The following GPI variants were observed in gnomAD, a reference collection of about 807,000 sequenced individuals.
The protein encoded by GPI is glucose-6-phosphate isomerase.
A neutral mutation model predicts 75.8 loss-of-function variants in GPI; 56 were observed. The observed-to-expected ratio is 0.74, with a 90% CI of 0.60 to 0.92. The LOEUF is 0.92. Among genes scored for constraint, GPI ranks in the 40% least tolerant of loss-of-function variants. The pLI, the probability that GPI is intolerant of heterozygous loss-of-function variation, is 0.00. For synonymous variants in GPI, 288 were observed against 285.4 expected (o/e 1.01, Z -0.09); for missense variants, 638 against 741.0 (o/e 0.86, Z 1.61).
chr19:34,387,160 A>G (rs1308071192), intron 9 of GPI, among the ~76,000 whole-genome samples: 1 of 152,212 alleles, frequency 6.6e-6, no homozygotes, highest in Non-Finnish European at 1.5e-5. Flanking sequence ...CTGGTCTATC[A>G]GCTGAGATGT....
chr19:34,360,418 C>G (rs905504056), upstream of GPI, among the ~76,000 whole-genome samples: 1 of 152,102 alleles, frequency 6.6e-6, no homozygotes, highest in Non-Finnish European at 1.5e-5. Flanking sequence ...CACAGTGCAA[C>G]TCAGTCTCTA....
chr19:34,360,066 A>G (rs79015144), upstream of GPI, among the ~76,000 whole-genome samples: 44 of 152,188 alleles, frequency 2.9e-4, no homozygotes, highest in East Asian at 6.4e-3. Flanking sequence ...GGGCCACATC[A>G]TCTTGCTGGG....
chr19:34,361,971 T>A (rs1441434273), upstream of GPI, among the ~76,000 whole-genome samples: 1 of 151,982 alleles, frequency 6.6e-6, no homozygotes, highest in African/African-American at 2.4e-5. Flanking sequence ...AAAAATTAGC[T>A]GGACGTAGTG....
intron 4 of GPI, among the ~76,000 whole-genome samples, chr19:34,370,030 T>C (rs570200714): frequency 1.3e-5 from 2 of 152,370 alleles, no homozygotes; most frequent in East Asian, 3.9e-4. Context: ...CATGTGCACA[T>C]GCACACAGGT....
rs761659383 is a variant in GPI, at chr19:34,396,420, C to T, written c.1182C>T (p.Leu394=). Residue 394 remains leucine, a synonymous_variant, in exon 13 of 18, where the codon CTC becomes CTT. Transcript: ENST00000356487. The part of the protein sequence containing the change: ...GTNGQHAFYQ[L]IHQGTKMIPC... The stretch of plus-strand genomic sequence containing the variant: ...ATGGCCAGCATGCTTTTTACCAGCT[C>T]ATCCACCAAGGTAGGCCCCTGTGGC... 9.3e-6 allele frequency: 15 copies of T among 1,614,180 alleles called. No individual in the cohort carries two copies. Among genetic ancestry groups the T allele is most frequent in the Admixed American group, 3.3e-5 (2 of 60,030 alleles).
chr19:34,381,691 G>A, intron 9 of GPI, 172 bp downstream of exon 9: 1 of 689,256 alleles, frequency 1.5e-6, no homozygotes, highest in African/African-American at 1.8e-5. Context: ...AACCCAGGCA[G>A]GATGAGGGCT....
intron 9 of GPI, among the ~76,000 whole-genome samples, chr19:34,387,626 C>T (rs1430536951): frequency 6.6e-6 from 1 of 151,378 alleles, no homozygotes; most frequent in South Asian, 2.1e-4. Flanking sequence ...GTCTGTGGAT[C>T]CAGGCTCAGT....
chr19:34,378,703 T>C (rs2074590683), intron 6 of GPI, among the ~76,000 whole-genome samples: 2 of 152,216 alleles, frequency 1.3e-5, no homozygotes, highest in Admixed American at 6.5e-5. Flanking sequence ...GGGGAGAAGC[T>C]GCGGCCTTTG....
At chr19:34,386,517 G>C (rs1599839950) in intron 9 of GPI, among the ~76,000 whole-genome samples, 1 of 152,336 alleles carries the variant, frequency 6.6e-6, no homozygotes, top group East Asian at 1.9e-4. Flanking sequence ...CAGGTAGATA[G>C]AGTTGGCTCT....
At chr19:34,361,667 G>C (rs533899656), upstream of GPI, among the ~76,000 whole-genome samples, 4 of 152,244 alleles carry the variant, frequency 2.6e-5, no homozygotes, top group African/African-American at 9.6e-5. Context: ...CACCAGATAG[G>C]AACCTAGTTT....
At chr19:34,392,600 C>T (rs1223474131) in intron 9 of GPI, 1 of 8,282 alleles carries the variant, frequency 1.2e-4, no homozygotes, top group Admixed American at 6.4e-4. Flanking sequence ...GAGGTAGGAT[C>T]TCATACAGGT....
chr19:34,395,336 GC>G (rs1186898400), intron 12 of GPI, among the ~76,000 whole-genome samples: 1 of 151,836 alleles, frequency 6.6e-6, no homozygotes, highest in African/African-American at 2.4e-5. Flanking sequence ...TTCAAGACCA[GC>G]CTGGGCAACG....
chr19:34,360,818 C>T (rs376205187), upstream of GPI, among the ~76,000 whole-genome samples: 1 of 152,126 alleles, frequency 6.6e-6, no homozygotes, highest in African/African-American at 2.4e-5. Context: ...CACTCTGTGA[C>T]CCAGGCCGGA....
intron 6 of GPI, among the ~76,000 whole-genome samples, chr19:34,378,262 C>T (rs1050908452): frequency 2.6e-5 from 4 of 152,270 alleles, no homozygotes; most frequent in Middle Eastern, 3.4e-3. Context: ...GGCGTGATCT[C>T]GGCTCACTGC....
At chr19:34,390,862 A>G (rs2074814165) in intron 9 of GPI, among the ~76,000 whole-genome samples, 2 of 135,738 alleles carry the variant, frequency 1.5e-5, no homozygotes, top group African/African-American at 5.6e-5. Flanking sequence ...TGGCACAGGT[A>G]TGAGTATCTG....
chr19:34,400,354 T>C lies in GPI; in HGVS notation c.*318T>C, dbSNP rs1455744481. ...GGTTGTAGGCTCAGCCTCTGATTTT[T>C]TTTTTCCTGTGATGGTGCTTTATGT... On this transcript the variant is annotated 3_prime_UTR_variant, in exon 18 of 18. Transcript: ENST00000356487. The C allele has an allele frequency of 6.7e-6, 4 of 595,790 alleles. No homozygotes were observed. Among genetic ancestry groups the C allele is most frequent in the Admixed American group, 3.0e-5 (1 of 33,696 alleles). 36.9% of individuals were successfully genotyped at this position (595,790 alleles called of 1,614,324 possible).
chr19:34,396,236 C>T (rs1357790020), intron 12 of GPI, 65 bp from the exon 13 acceptor site: 2 of 1,588,752 alleles, frequency 1.3e-6, no homozygotes, highest in South Asian at 1.1e-5. Context: ...CTGCGCTCAG[C>T]CTCTTTCTTT....
rs2075004222 is a variant in GPI, at chr19:34,400,288, T to C, written c.*252T>C. ...TGACTTTTCTGACCCATGTTCACGT[T>C]GTTCACATCCCATGTAGAAAAATAA... On this transcript the variant is annotated 3_prime_UTR_variant, in exon 18 of 18. Coordinates refer to ENST00000356487, the MANE Select transcript of GPI (RefSeq NM_000175.5). 2 of 602,364 alleles carry C rather than the reference T, an allele frequency of 3.3e-6. No individual in the cohort carries two copies. Among genetic ancestry groups the C allele is most frequent in the Middle Eastern group, 4.5e-4 (1 of 2,234 alleles). 37.3% of individuals were successfully genotyped at this position (602,364 alleles called of 1,614,324 possible). A position where few individuals can be genotyped will look rare whatever the true frequency, so the allele number is the denominator to read the frequency against.
rs754344726 is a variant in GPI at position 34,366,084 on chromosome 19, T to A, written c.123-261T>A. On this transcript the variant is annotated intron_variant, in intron 1 of 17. Transcript: ENST00000356487. Reference sequence around the variant, plus strand: ...AAGTGGAAGCCCTGGGAAGGGGTGGTCCCCCACTTCAGTCCGGGCTCCTCA... The same window carrying A: ...AAGTGGAAGCCCTGGGAAGGGGTGGACCCCCACTTCAGTCCGGGCTCCTCA... 5.5e-5 allele frequency: 37 copies of A among 675,712 alleles called. 1 individual carries two copies. The highest frequency in any genetic ancestry group is 5.4e-4 in the South Asian group (36 of 66,460). 41.9% of individuals were successfully genotyped at this position (675,712 alleles called of 1,614,324 possible). A position where few individuals can be genotyped will look rare whatever the true frequency, so the allele number is the denominator to read the frequency against.
Sources: allele counts gnomAD v4.1 joint callset (sites outside exome capture counted in the v4.1 genomes callset), GRCh38; gene constraint gnomAD v4.1.1; transcripts MANE v1.5; gene names NCBI Gene and HGNC (gene_info 2026-07-23, HGNC 2026-07-21).